The following EML6 variants were observed in gnomAD, a reference collection of about 807,000 sequenced individuals.
The protein encoded by EML6 is EMAP like 6, also known as echinoderm microtubule-associated protein-like 6.
A neutral mutation model predicts 240.1 loss-of-function variants in EML6; 154 were observed. The ratio of observed to expected loss-of-function variants is 0.64; its 90% CI spans 0.56 to 0.73. The LOEUF (loss-of-function observed/expected upper bound fraction) is 0.73. Ranked by LOEUF, EML6 falls within the 30% of genes least tolerant of loss-of-function variation. EML6 has a pLI of 0.00. For synonymous variants in EML6, 1,148 were observed against 899.0 expected, an observed-to-expected ratio of 1.28 and a Z score of -4.95; for missense variants, 2,964 against 2,474.6, an observed-to-expected ratio of 1.20 and a Z score of -4.20.
At position 54,889,214 on chromosome 2, in the gene EML6, A is replaced by G. The variant is rs140769352; in HGVS notation, c.2439-1840A>G. 6.6e-5 allele frequency among the ~76,000 whole-genome samples: 10 copies of G among 152,190 alleles called. No individual in the cohort carries two copies. The East Asian group carries it at 1.9e-3, about 29-fold the overall frequency. The stretch of plus-strand genomic sequence containing the variant: ...TATGGAGCCTTTATAGATTGTTTTA[A>G]TACCTAGGAGAGCTACTCTCTGCAC... On this transcript the variant is annotated intron_variant, in intron 17 of 41. Coordinates refer to ENST00000356458, the MANE Select transcript of EML6 (RefSeq NM_001039753.4).
rs925886529 is a variant in EML6, at chr2:54,884,112, G to A, written c.2438+4472G>A. Among the ~76,000 whole-genome samples the A allele has an allele frequency of 5.3e-5, 8 of 152,188 alleles. No homozygotes were observed. The East Asian group carries it at 1.5e-3, about 29-fold the overall frequency. ...TGTCTACCTGGAGGTAGCCTCAGATGCCACAGGTTGAGGGCTCAGTTTCTG... is the reference window on the plus strand; with the variant it reads ...TGTCTACCTGGAGGTAGCCTCAGATACCACAGGTTGAGGGCTCAGTTTCTG... On this transcript the variant is annotated intron_variant, in intron 17 of 41. Coordinates refer to ENST00000356458, the MANE Select transcript of EML6 (RefSeq NM_001039753.4).
At chr2:54,802,668 GCTACTACTACTA>G (rs1160838637) in intron 2 of EML6, among the ~76,000 whole-genome samples, 1 of 69,294 alleles carries the variant, frequency 1.4e-5, no homozygotes, top group African/African-American at 6.3e-5. Flanking sequence ...TACTACTACT[GCTACTACTACTA>G]CTACCAATAA....
chr2:54,837,647 A>C (rs1669225717), intron 7 of EML6, among the ~76,000 whole-genome samples: 1 of 152,200 alleles, frequency 6.6e-6, no homozygotes, highest in Admixed American at 6.5e-5. Flanking sequence ...GAACCACTGC[A>C]TTAGAATCAG....
At chr2:54,860,982 C>T (rs1670641911) in intron 12 of EML6, among the ~76,000 whole-genome samples, 1 of 152,192 alleles carries the variant, frequency 6.6e-6, no homozygotes. Context: ...GGTTTACAAA[C>T]ACTTACAGGA....
intron 28 of EML6, among the ~76,000 whole-genome samples, chr2:54,935,925 G>T (rs1469139463): frequency 6.6e-6 from 1 of 152,158 alleles, no homozygotes; most frequent in Non-Finnish European, 1.5e-5. Context: ...AGCTACTCAG[G>T]AGGCTGGGGT....
chr2:54,824,490 C>T (rs1407225559), intron 5 of EML6, among the ~76,000 whole-genome samples: 1 of 152,142 alleles, frequency 6.6e-6, no homozygotes, highest in African/African-American at 2.4e-5. Context: ...AGAAAACCTA[C>T]CTTAACATTG....
intron 12 of EML6, among the ~76,000 whole-genome samples, chr2:54,862,080 A>C (rs142562419): frequency 2.2e-3 from 330 of 152,214 alleles, no homozygotes; most frequent in African/African-American, 7.3e-3. Flanking sequence ...TCATGACTGT[A>C]ATCCCAGCAC....
intron 2 of EML6, among the ~76,000 whole-genome samples, chr2:54,778,904 G>GAAAGAA (rs1668721601): frequency 7.8e-6 from 1 of 128,858 alleles, no homozygotes; most frequent in African/African-American, 3.4e-5. Flanking sequence ...AAAAAAAAAA[G>GAAAGAA]AAAGAAAGAA....
At chr2:54,852,367 C>G (rs1263881633) in intron 10 of EML6, among the ~76,000 whole-genome samples, 2 of 152,136 alleles carry the variant, frequency 1.3e-5, no homozygotes, top group Non-Finnish European at 2.9e-5. Context: ...GTTTTCTTTG[C>G]TTGACGTTAC....
At chr2:54,742,582 G>A (rs921942856) in intron 2 of EML6, among the ~76,000 whole-genome samples, 1 of 152,146 alleles carries the variant, frequency 6.6e-6, no homozygotes, top group African/African-American at 2.4e-5. Flanking sequence ...CCCCAGTTAT[G>A]CAGGCGACTG....
chr2:54,758,350 T>A (rs1314597326), intron 2 of EML6, among the ~76,000 whole-genome samples: 1 of 152,176 alleles, frequency 6.6e-6, no homozygotes, highest in East Asian at 1.9e-4. Context: ...GTCCTGGTTG[T>A]GGAGACATCC....
intron 5 of EML6, among the ~76,000 whole-genome samples, chr2:54,821,807 A>G (rs1302809737): frequency 2.0e-5 from 3 of 152,082 alleles, no homozygotes; most frequent in African/African-American, 7.2e-5. Flanking sequence ...CTATACACTA[A>G]AACAAAGTCT....
At chr2:54,885,757 G>T (rs541956558) in intron 17 of EML6, among the ~76,000 whole-genome samples, 1 of 151,866 alleles carries the variant, frequency 6.6e-6, no homozygotes, top group African/African-American at 2.4e-5. Flanking sequence ...GACTACAGGC[G>T]CCAGCCACCG....
intron 28 of EML6, among the ~76,000 whole-genome samples, chr2:54,932,980 G>T (rs1355849813): frequency 6.6e-6 from 1 of 152,194 alleles, no homozygotes; most frequent in Non-Finnish European, 1.5e-5. Flanking sequence ...AAGTATGCAG[G>T]AGTGGGGCAA....
At chr2:54,938,534 C>G (rs1393459195) in intron 28 of EML6, among the ~76,000 whole-genome samples, 3 of 152,162 alleles carry the variant, frequency 2.0e-5, no homozygotes, top group African/African-American at 4.8e-5. Flanking sequence ...CCATCTCCTC[C>G]TGAAACACAT....
At chr2:54,913,071 G>GTTTTTT (rs1216432893) in intron 25 of EML6, among the ~76,000 whole-genome samples, 52 of 125,642 alleles carry the variant, frequency 4.1e-4, no homozygotes, top group East Asian at 7.0e-4. Context: ...GCCAGATTCT[G>GTTTTTT]TTTTTTTTTT....
intron 11 of EML6, among the ~76,000 whole-genome samples, 196 bp downstream of exon 11, chr2:54,854,051 C>A (rs1293665325): frequency 6.6e-6 from 1 of 152,042 alleles, no homozygotes; most frequent in Non-Finnish European, 1.5e-5. Flanking sequence ...TGTGGTTTTG[C>A]AAATTTAAGA....
At chr2:54,796,675 A>G (rs535644202) in intron 2 of EML6, among the ~76,000 whole-genome samples, 1 of 152,280 alleles carries the variant, frequency 6.6e-6, no homozygotes, top group African/African-American at 2.4e-5. Context: ...ACTTACAGAA[A>G]CAGGGATTTA....
chr2:54,909,951 AT>A (rs760279809), intron 24 of EML6, among the ~76,000 whole-genome samples: 6 of 151,848 alleles, frequency 4.0e-5, no homozygotes, highest in African/African-American at 1.2e-4. Context: ...AAAAGTTCTT[AT>A]TTTGGTATTA....
Sources: gnomAD v4.1 joint callset for allele counts (sites outside exome capture counted in the v4.1 genomes callset) on GRCh38, gnomAD v4.1.1 for gene constraint, MANE v1.5 for transcripts, NCBI Gene and HGNC (gene_info 2026-07-23, HGNC 2026-07-21) for gene names.